LIMK2: variants seen among roughly 807,000 people sequenced by gnomAD.
LIMK2 encodes LIM domain kinase 2.
A neutral mutation model predicts 75.7 loss-of-function variants in LIMK2; 35 were observed. That is an observed-to-expected ratio of 0.46 (90% CI 0.35 to 0.61). LIMK2 has a LOEUF of 0.61. Ranked by LOEUF, LIMK2 falls within the 20% of genes least tolerant of loss-of-function variation. The pLI, the probability that LIMK2 is intolerant of heterozygous loss-of-function variation, is 0.00. For synonymous variants in LIMK2, 301 were observed against 319.2 expected, an observed-to-expected ratio of 0.94 and a Z score of 0.61; for missense variants, 623 against 831.0, an observed-to-expected ratio of 0.75 and a Z score of 3.08.
At chr22:31,276,635 G>A (rs1268920131) in intron 15 of LIMK2, among the ~76,000 whole-genome samples, 1 of 146,382 alleles carries the variant, frequency 6.8e-6, no homozygotes, top group African/African-American at 2.4e-5. Context: ...CGGGCGTCAC[G>A]GAGGCGGCGG....
At position 31,278,385 on chromosome 22, in the gene LIMK2, G is replaced by C. The variant is rs1455511637; in HGVS notation, c.1861G>C (p.Glu621Gln). The change falls in exon 16 of 16, where the codon GAG becomes CAG. Residue 621 changes from glutamate to glutamine, a missense_variant. Glu to Gln is a conservative substitution (Grantham distance 29, BLOSUM62 2). Around this residue, in one of 3 missense-constraint regions of LIMK2, gnomAD observed 46 missense variants for 46.9 expected, o/e 0.98. Coordinates refer to ENST00000331728, the MANE Select transcript of LIMK2 (RefSeq NM_005569.4). Reference sequence around the variant, plus strand: ...CATCCCGCTGCCTGCAGAGCTGGAGGAGTTGGACCACACTGTGAGCATGCA... The same window carrying C: ...CATCCCGCTGCCTGCAGAGCTGGAGCAGTTGGACCACACTGTGAGCATGCA... Reference protein sequence around the residue: ...LGIPLPAELEELDHTVSMQYG... With the variant: ...LGIPLPAELEQLDHTVSMQYG... 6.2e-7 allele frequency: 1 copy of C among 1,613,962 alleles called. No individual in the cohort carries two copies. The highest frequency in any genetic ancestry group is 8.5e-7 in the Non-Finnish European group (1 of 1,179,960).
At chr22:31,265,710 A>G (rs1479487871) in intron 7 of LIMK2, among the ~76,000 whole-genome samples, 1 of 152,182 alleles carries the variant, frequency 6.6e-6, no homozygotes, top group African/African-American at 2.4e-5. Context: ...TAATTGTTCT[A>G]TGTGTGATGT....
intron 7 of LIMK2, among the ~76,000 whole-genome samples, chr22:31,263,250 G>A (rs1043132158): frequency 5.9e-5 from 9 of 152,326 alleles, no homozygotes; most frequent in Middle Eastern, 3.4e-3. Context: ...CATGGGGAAG[G>A]AGAAGTTGCC....
At chr22:31,271,015 G>A in intron 11 of LIMK2, 121 bp from the exon 12 acceptor site, 1 of 830,336 alleles carries the variant, frequency 1.2e-6, no homozygotes. Context: ...CTGTTGTCCA[G>A]GTTGGGTTCT....
chr22:31,217,344 C>T (rs2048396706), intron 1 of LIMK2, among the ~76,000 whole-genome samples: 2 of 151,868 alleles, frequency 1.3e-5, no homozygotes, highest in South Asian at 4.2e-4. Context: ...TTGCAGTGAG[C>T]CGAGGTTGCA....
At chr22:31,233,538 C>A (rs1174968482) in intron 2 of LIMK2, among the ~76,000 whole-genome samples, 1 of 152,198 alleles carries the variant, frequency 6.6e-6, no homozygotes, top group Non-Finnish European at 1.5e-5. Flanking sequence ...TGACTTCCTT[C>A]CATTGTCCTC....
At chr22:31,252,552 A>G (rs1374223216) in intron 2 of LIMK2, among the ~76,000 whole-genome samples, 1 of 142,426 alleles carries the variant, frequency 7.0e-6, no homozygotes, top group East Asian at 2.1e-4. Flanking sequence ...TAAAAAAAAA[A>G]AAAAAAAGTT....
At chr22:31,249,706 G>A (rs1223195144) in intron 2 of LIMK2, among the ~76,000 whole-genome samples, 2 of 152,102 alleles carry the variant, frequency 1.3e-5, no homozygotes, top group Non-Finnish European at 2.9e-5. Flanking sequence ...TCTAAGCTAG[G>A]TCCAGTGCCC....
chr22:31,248,756 A>G (rs1233169262), intron 2 of LIMK2: 1 of 1,614,062 alleles, frequency 6.2e-7, no homozygotes, highest in Non-Finnish European at 8.5e-7. Flanking sequence ...CTTCACCTCC[A>G]GAGACCTGTT....
At chr22:31,240,175 C>A (rs1333122338) in intron 2 of LIMK2, among the ~76,000 whole-genome samples, 1 of 152,176 alleles carries the variant, frequency 6.6e-6, no homozygotes, top group Non-Finnish European at 1.5e-5. Context: ...AAACCCTCAG[C>A]ATCTCATGCC....
At chr22:31,261,511 A>G (rs1037442392) in intron 5 of LIMK2, among the ~76,000 whole-genome samples, 1 of 151,472 alleles carries the variant, frequency 6.6e-6, no homozygotes, top group Non-Finnish European at 1.5e-5. Flanking sequence ...ACGCCACTGC[A>G]CTCCAGCCTG....
intron 4 of LIMK2, 91 bp downstream of exon 4, chr22:31,259,321 T>G: frequency 1.3e-6 from 1 of 744,336 alleles, no homozygotes; most frequent in Non-Finnish European, 2.4e-6. Flanking sequence ...GAAGGAGTGT[T>G]AGGGTAGTCA....
At position 31,278,705 on chromosome 22, in the gene LIMK2, T is replaced by G. The variant is rs969252541; in HGVS notation, c.*264T>G. 5 of 304,016 alleles carry G rather than the reference T, an allele frequency of 1.6e-5. No individual in the cohort carries two copies. Among genetic ancestry groups the G allele is most frequent in the Admixed American group, 4.8e-5 (1 of 20,880 alleles). The allele number at this position is 304,016 out of a possible 1,614,324, so 18.8% of individuals were successfully genotyped here. On this transcript the variant is annotated 3_prime_UTR_variant, in exon 16 of 16. Transcript: ENST00000331728. ...TGAAGAAGAAAAAAACCCCTGGCCT[T>G]TGGGCCAGGAGGAATCTGTTACTCG...
intron 2 of LIMK2, among the ~76,000 whole-genome samples, chr22:31,247,973 T>G (rs561381511): frequency 4.0e-4 from 61 of 151,468 alleles, no homozygotes; most frequent in African/African-American, 1.1e-3. Flanking sequence ...AGAGCTAGGA[T>G]GGCTCTCTGG....
chr22:31,229,840 A>G (rs576382476), intron 2 of LIMK2, among the ~76,000 whole-genome samples: 1 of 152,228 alleles, frequency 6.6e-6, no homozygotes, highest in East Asian at 1.9e-4. Context: ...CCAGGACAAC[A>G]GGAAGCTACT....
Position 31,274,230 on chromosome 22 carries a change from C to T in LIMK2, c.1614+723C>T, listed in dbSNP as rs73158552. Among the ~76,000 whole-genome samples the T allele has an allele frequency of 5.4e-3, 823 of 152,070 alleles. 3 individuals are homozygous for T. The highest frequency in any genetic ancestry group is 9.9e-3 in the Non-Finnish European group (674 of 67,976). On this transcript the variant is annotated intron_variant, in intron 14 of 15. Transcript: ENST00000331728. ...AGCCCTGTGCCAGGTACCACGTGGACAGAGTGAGGAATCTTGGAAAGATTC... is the reference window on the plus strand; with the variant it reads ...AGCCCTGTGCCAGGTACCACGTGGATAGAGTGAGGAATCTTGGAAAGATTC...
At position 31,235,775 on chromosome 22, in the gene LIMK2, G is replaced by T. The variant is rs560279421; in HGVS notation, c.116+9956G>T. ...TTTTACTTATAGGTGATTTATGATG[G>T]GGAGTGGGGTGGATAGGTTGGCAGT... On this transcript the variant is annotated intron_variant, in intron 2 of 15. Coordinates refer to ENST00000331728, the MANE Select transcript of LIMK2 (RefSeq NM_005569.4). Among the ~76,000 whole-genome samples, 4 of 152,316 alleles carry T rather than the reference G, an allele frequency of 2.6e-5. No individual in the cohort carries two copies. In the South Asian group the frequency reaches 8.3e-4, roughly 32 times the overall value.
chr22:31,255,282 A>G (rs908164580), intron 2 of LIMK2, among the ~76,000 whole-genome samples: 5 of 152,130 alleles, frequency 3.3e-5, no homozygotes, highest in African/African-American at 1.2e-4. Flanking sequence ...TCCCACATGT[A>G]TCTTATATTG....
chr22:31,217,398 GA>G (rs371346839), intron 1 of LIMK2, among the ~76,000 whole-genome samples: 122 of 134,496 alleles, frequency 9.1e-4, no homozygotes, highest in East Asian at 3.9e-3. Flanking sequence ...CTCCGTCTCA[GA>G]AAAAAAAAAA....
Sources: gnomAD v4.1 joint callset for allele counts (sites outside exome capture counted in the v4.1 genomes callset) on GRCh38, gnomAD v4.1.1 for gene constraint, gnomAD v4.1.1 regional missense constraint, MANE v1.5 for transcripts, NCBI Gene and HGNC (gene_info 2026-07-23, HGNC 2026-07-21) for gene names.